UNC13C: variants seen among roughly 807,000 people sequenced by gnomAD.
UNC13C encodes unc-13 homolog C, also known as protein unc-13 homolog C.
UNC13C carries 174 observed loss-of-function variants against 245.4 expected under a neutral mutation model. The ratio of observed to expected loss-of-function variants is 0.71; its 90% CI spans 0.63 to 0.80. The LOEUF is 0.80. Among genes scored for constraint, UNC13C ranks in the 30% least tolerant of loss-of-function variants. The pLI, the probability that UNC13C is intolerant of heterozygous loss-of-function variation, is 0.00. For missense variants in UNC13C, 2,829 were observed against 2,602.9 expected, an observed-to-expected ratio of 1.09 and a Z score of -1.89; for synonymous variants, 992 against 895.1, an observed-to-expected ratio of 1.11 and a Z score of -1.93.
At chr15:54,203,077 T>C (rs769932037) in intron 4 of UNC13C, among the ~76,000 whole-genome samples, 37 of 152,088 alleles carry the variant, frequency 2.4e-4, no homozygotes, top group Admixed American at 5.3e-4. Context: ...TATGGAAAGA[T>C]GCCCAACATC....
At chr15:54,242,021 A>T (rs1160948697) in intron 7 of UNC13C, among the ~76,000 whole-genome samples, 1 of 152,204 alleles carries the variant, frequency 6.6e-6, no homozygotes, top group Non-Finnish European at 1.5e-5. Context: ...AGGGCAAGTT[A>T]TGGAAACTTT....
rs376917841 is a variant in UNC13C, at chr15:54,408,149, G to A, written c.4848-6833G>A. ...CCGAGAGGCGGAGTTGCAGTAAGCC[G>A]AGATGGCGCCACTGCACTCCAGCCT... On this transcript the variant is annotated intron_variant, in intron 18 of 32. Transcript: ENST00000260323. Among the ~76,000 whole-genome samples the A allele has an allele frequency of 5.2e-5, 7 of 133,664 alleles. No homozygotes were observed. The South Asian group carries it at 7.6e-4, about 14-fold the overall frequency. 87.7% of individuals were successfully genotyped at this position (133,664 alleles called of 152,430 possible).
At chr15:54,578,630 A>G (rs1239666257) in intron 30 of UNC13C, among the ~76,000 whole-genome samples, 1 of 152,242 alleles carries the variant, frequency 6.6e-6, no homozygotes, top group Non-Finnish European at 1.5e-5. Flanking sequence ...CTCACACTGC[A>G]GTTTACTACC....
chr15:54,044,133 G>C (rs1357217272), intron 2 of UNC13C, among the ~76,000 whole-genome samples: 1 of 152,114 alleles, frequency 6.6e-6, no homozygotes, highest in Non-Finnish European at 1.5e-5. Flanking sequence ...TCCCTGTGGA[G>C]TTGCCTTTTC....
chr15:54,549,705 G>A lies in UNC13C; in HGVS notation c.5877+14G>A, dbSNP rs749546064. 3.2e-6 allele frequency: 5 copies of A among 1,553,960 alleles called. No individual in the cohort carries two copies. The Admixed American group carries it at 5.5e-5, about 17-fold the overall frequency. On this transcript the variant is annotated intron_variant, in intron 28 of 32. Coordinates refer to ENST00000260323, the MANE Select transcript of UNC13C (RefSeq NM_001080534.3). Reference sequence around the variant, plus strand: ...TCCAAACTGAAGGTAATAAAAATAAGGAAATTACTTATTCATGGAAAGTAG... The same window carrying A: ...TCCAAACTGAAGGTAATAAAAATAAAGAAATTACTTATTCATGGAAAGTAG...
At chr15:54,487,057 C>T (rs1404046333) in intron 19 of UNC13C, among the ~76,000 whole-genome samples, 1 of 152,100 alleles carries the variant, frequency 6.6e-6, no homozygotes, top group East Asian at 1.9e-4. Flanking sequence ...GTGGATCAAT[C>T]AGAGAGTATA....
At chr15:53,862,851 G>A in the UNC13C span, among the ~76,000 whole-genome samples, 2 of 152,012 alleles carry the variant, frequency 1.3e-5, no homozygotes, top group Admixed American at 6.6e-5. Context: ...ATGATTTGAG[G>A]GGTAACAACA....
intron 7 of UNC13C, among the ~76,000 whole-genome samples, chr15:54,249,570 A>G (rs2036087385): frequency 6.6e-6 from 1 of 152,076 alleles, no homozygotes; most frequent in Admixed American, 6.6e-5. Flanking sequence ...GCCTAGGAGA[A>G]CTCAGATCTC....
intron 2 of UNC13C, among the ~76,000 whole-genome samples, chr15:54,127,763 T>C (rs1400430811): frequency 6.9e-6 from 1 of 145,324 alleles, no homozygotes; most frequent in Non-Finnish European, 1.5e-5. Flanking sequence ...TATATTTATG[T>C]ATAATATAAA....
At chr15:54,010,022 C>T (rs1895313630) in intron 1 of UNC13C, among the ~76,000 whole-genome samples, 1 of 152,186 alleles carries the variant, frequency 6.6e-6, no homozygotes, top group Middle Eastern at 3.2e-3. Context: ...AAAGTGGATG[C>T]TTCTCCACCT....
chr15:54,019,117 A>G (rs1895787389), intron 2 of UNC13C, among the ~76,000 whole-genome samples: 1 of 152,110 alleles, frequency 6.6e-6, no homozygotes, highest in African/African-American at 2.4e-5. Context: ...CACCACTATT[A>G]ATTTTATTTT....
chr15:54,335,888 G>A (rs536034359), intron 16 of UNC13C, among the ~76,000 whole-genome samples: 16 of 152,210 alleles, frequency 1.1e-4, no homozygotes, highest in Admixed American at 4.6e-4. Context: ...CAGCAGCAGT[G>A]TGTGAGAGTC....
chr15:53,979,094 A>T lies in UNC13C; in HGVS notation c.-257+167A>T, dbSNP rs1288698651. 7.9e-5 allele frequency among the ~76,000 whole-genome samples: 12 copies of T among 151,946 alleles called. 1 individual carries two copies. The highest frequency in any genetic ancestry group is 1.2e-4 in the Non-Finnish European group (8 of 67,996). ...CGGCTCTCCTGTTTTTATAATGTAC[A>T]TGATTCTATGGAGCATCATGACTTC... On this transcript the variant is annotated intron_variant, in intron 1 of 32. Coordinates refer to ENST00000260323, the MANE Select transcript of UNC13C (RefSeq NM_001080534.3).
the UNC13C span, among the ~76,000 whole-genome samples, chr15:53,939,707 C>T: frequency 6.6e-6 from 1 of 152,118 alleles, no homozygotes; most frequent in Non-Finnish European, 1.5e-5. Context: ...ATAGATAATT[C>T]ATCACATAAA....
At chr15:54,119,768 C>T (rs1306789027) in intron 2 of UNC13C, among the ~76,000 whole-genome samples, 1 of 152,090 alleles carries the variant, frequency 6.6e-6, no homozygotes, top group African/African-American at 2.4e-5. Context: ...AGTGAATACA[C>T]AAATGATAAA....
chr15:54,204,474 G>T (rs1445048195), intron 4 of UNC13C, among the ~76,000 whole-genome samples: 1 of 151,838 alleles, frequency 6.6e-6, no homozygotes, highest in Non-Finnish European at 1.5e-5. Flanking sequence ...AAAAATTAAA[G>T]ATTAAACAAA....
intron 19 of UNC13C, among the ~76,000 whole-genome samples, chr15:54,435,241 A>G (rs1476944976): frequency 6.6e-6 from 1 of 152,098 alleles, no homozygotes; most frequent in African/African-American, 2.4e-5. Flanking sequence ...TATATACACA[A>G]AGGATTATGA....
intron 30 of UNC13C, among the ~76,000 whole-genome samples, chr15:54,604,591 T>TA (rs1375723605): frequency 6.6e-6 from 1 of 152,140 alleles, no homozygotes; most frequent in Non-Finnish European, 1.5e-5. Context: ...TTCCAGAAAA[T>TA]AAGAGGCCAC....
chr15:53,927,243 C>T, the UNC13C span, among the ~76,000 whole-genome samples: 6 of 152,140 alleles, frequency 3.9e-5, no homozygotes, highest in East Asian at 3.9e-4. Context: ...CTGGAGTCCA[C>T]GTTTTTAACC....
Sources: gnomAD v4.1 joint callset for allele counts (sites outside exome capture counted in the v4.1 genomes callset) on GRCh38, gnomAD v4.1.1 for gene constraint, MANE v1.5 for transcripts, NCBI Gene and HGNC (gene_info 2026-07-23, HGNC 2026-07-21) for gene names.